COL4A2: variants seen among roughly 807,000 people sequenced by gnomAD.
COL4A2 encodes the protein collagen type IV alpha 2 chain.
In COL4A2, 99 loss-of-function variants were observed where a neutral mutation model predicts 200.2. The observed-to-expected ratio is 0.49, with a 90% CI of 0.42 to 0.58. COL4A2 has a LOEUF of 0.58. Ranked by LOEUF, COL4A2 falls within the 20% of genes least tolerant of loss-of-function variation. The pLI is 0.00. For missense variants in COL4A2, 1,950 were observed against 2,314.1 expected, an observed-to-expected ratio of 0.84 and a Z score of 3.23; for synonymous variants, 897 against 900.6, an observed-to-expected ratio of 1.00 and a Z score of 0.07.
intron 27 of COL4A2, chr13:110,468,251 A>T (rs1016378638): frequency 1.9e-5 from 9 of 471,514 alleles, no homozygotes; most frequent in Non-Finnish European, 4.0e-5. Context: ...GAGCAGAGGT[A>T]AAGGCTCCTT....
chr13:110,393,913 T>C (rs1159153124), intron 4 of COL4A2, among the ~76,000 whole-genome samples: 1 of 152,080 alleles, frequency 6.6e-6, no homozygotes, highest in East Asian at 1.9e-4. Flanking sequence ...TCAGATACAA[T>C]GAGGGTCAAA....
chr13:110,406,938 T>A lies in COL4A2; in HGVS notation c.181-17796T>A, dbSNP rs79551215. 9.6e-3 allele frequency among the ~76,000 whole-genome samples: 1,464 copies of A among 152,302 alleles called. 26 individuals are homozygous for A. Among genetic ancestry groups the A allele is most frequent in the Non-Finnish European group, 0.011 (750 of 68,028 alleles). On this transcript the variant is annotated intron_variant, in intron 4 of 47. Transcript: ENST00000360467. The stretch of plus-strand genomic sequence containing the variant: ...ACCAGAGTCTGCCTTGTTCCCCTTA[T>A]GCCTTCAGGGGCCCGGCAGGGTCTC...
chr13:110,357,387 G>A (rs1279842151), intron 3 of COL4A2, 85 bp from the exon 4 acceptor site: 24 of 1,511,096 alleles, frequency 1.6e-5, no homozygotes, highest in Non-Finnish European at 2.1e-5. Context: ...GAGTTGGAAG[G>A]ATTCTCAACA....
intron 3 of COL4A2, among the ~76,000 whole-genome samples, chr13:110,353,135 AAG>A (rs1319267674): frequency 1.3e-5 from 2 of 152,188 alleles, no homozygotes; most frequent in African/African-American, 4.8e-5. Flanking sequence ...TTGTTGTAAA[AAG>A]AGGTGTGTCA....
At chr13:110,464,041 G>A (rs929716463) in intron 24 of COL4A2, among the ~76,000 whole-genome samples, 1 of 152,126 alleles carries the variant, frequency 6.6e-6, no homozygotes, top group Non-Finnish European at 1.5e-5. Context: ...ATGTGGGGTG[G>A]GGGTGGTGAG....
intron 34 of COL4A2, 121 bp downstream of exon 34, chr13:110,485,957 C>T: frequency 6.8e-7 from 1 of 1,470,622 alleles, no homozygotes; most frequent in South Asian, 1.3e-5. Context: ...TCAGGGCAGC[C>T]TCAGGCTTGG....
chr13:110,322,560 G>T (rs774750523), intron 3 of COL4A2, among the ~76,000 whole-genome samples: 2 of 152,228 alleles, frequency 1.3e-5, no homozygotes, highest in Admixed American at 6.5e-5. Flanking sequence ...GGGGAACCCC[G>T]GGAGGGGCTG....
Position 110,465,573 on chromosome 13 carries a change from C to T in COL4A2, c.1945C>T (p.Pro649Ser), listed in dbSNP as rs370641410. The change falls in exon 25 of 48, where the codon CCT becomes TCT. Residue 649 changes from proline to serine, a missense_variant. Coordinates refer to ENST00000360467, the MANE Select transcript of COL4A2 (RefSeq NM_001846.4). ...ACCTGGACCACCAGGCTTCCTGGGC[C>T]CTCCTGGCCCCGCAGGGACCCCAGG... is the stretch of plus-strand genomic sequence containing the variant. ...GLPGPPGFLG[P>S]PGPAGTPGQI... The T allele has an allele frequency of 6.0e-5, 97 of 1,613,720 alleles. No homozygotes were observed. In the East Asian group the frequency reaches 1.2e-3, roughly 21 times the overall value.
chr13:110,455,613 C>T lies in COL4A2; in HGVS notation c.1340-1730C>T, dbSNP rs370748519. Among the ~76,000 whole-genome samples, 4 of 152,318 alleles carry T rather than the reference C, an allele frequency of 2.6e-5. No individual in the cohort carries two copies. The East Asian group carries it at 5.8e-4, about 22-fold the overall frequency. The stretch of plus-strand genomic sequence containing the variant: ...TCGGTTTCATTTCCAGTTGTATACA[C>T]ACAGCACCTCGCACACAGCCTGGCA... On this transcript the variant is annotated intron_variant, in intron 20 of 47. Coordinates refer to ENST00000360467, the MANE Select transcript of COL4A2 (RefSeq NM_001846.4).
intron 4 of COL4A2, among the ~76,000 whole-genome samples, chr13:110,384,441 A>G (rs929334435): frequency 4.7e-4 from 72 of 152,310 alleles, no homozygotes; most frequent in Admixed American, 2.3e-3. Flanking sequence ...AGTAATTTCA[A>G]CGCTTCAGTG....
chr13:110,321,801 G>A (rs1195616975), intron 3 of COL4A2, among the ~76,000 whole-genome samples: 1 of 152,218 alleles, frequency 6.6e-6, no homozygotes, highest in Non-Finnish European at 1.5e-5. Flanking sequence ...AAGAGAGAAT[G>A]TACCAGCAGG....
chr13:110,493,416 G>T (rs369127455), intron 39 of COL4A2, 134 bp downstream of exon 39: 2 of 871,502 alleles, frequency 2.3e-6, no homozygotes, highest in South Asian at 1.6e-5. Flanking sequence ...AGTGCTATGC[G>T]ATCGGCCGTG....
chr13:110,450,908 C>G (rs935947279), intron 20 of COL4A2, among the ~76,000 whole-genome samples: 2 of 152,190 alleles, frequency 1.3e-5, no homozygotes, highest in Non-Finnish European at 2.9e-5. Context: ...CCTTGATAAT[C>G]TGCCTTCTCA....
chr13:110,506,712 T>A, intron 46 of COL4A2, 106 bp downstream of exon 46: 1 of 1,182,642 alleles, frequency 8.5e-7, no homozygotes, highest in Non-Finnish European at 1.2e-6. Context: ...GGCTGGTAAG[T>A]TCCCCTGACG....
chr13:110,452,113 G>T (rs1384172438), intron 20 of COL4A2, among the ~76,000 whole-genome samples: 1 of 127,612 alleles, frequency 7.8e-6, no homozygotes, highest in Non-Finnish European at 1.7e-5. Flanking sequence ...ACAGGTCAAA[G>T]TCTCTGTTTT....
intron 4 of COL4A2, among the ~76,000 whole-genome samples, chr13:110,416,811 C>T (rs918341225): frequency 1.3e-5 from 2 of 152,198 alleles, no homozygotes; most frequent in African/African-American, 4.8e-5. Context: ...TCCCAGACTT[C>T]GCCTTCACTC....
intron 47 of COL4A2, among the ~76,000 whole-genome samples, chr13:110,510,498 C>T (rs575631656): frequency 4.8e-3 from 96 of 19,856 alleles, no homozygotes; most frequent in Non-Finnish European, 9.5e-3. Context: ...ACATGAGCTG[C>T]TATGAGTACC....
intron 3 of COL4A2, among the ~76,000 whole-genome samples, chr13:110,319,652 G>A (rs1885229594): frequency 1.3e-5 from 2 of 152,288 alleles, no homozygotes; most frequent in South Asian, 4.1e-4. Context: ...GGAAATTTCA[G>A]GGAAGAACCT....
At chr13:110,471,907 G>A (rs548878157) in intron 28 of COL4A2, among the ~76,000 whole-genome samples, 72 of 152,136 alleles carry the variant, frequency 4.7e-4, no homozygotes, top group South Asian at 2.3e-3. Flanking sequence ...CATGCACAGC[G>A]GGGGTGGTGG....
Sources: allele counts gnomAD v4.1 joint callset (sites outside exome capture counted in the v4.1 genomes callset), GRCh38; gene constraint gnomAD v4.1.1; transcripts MANE v1.5; gene names NCBI Gene and HGNC (gene_info 2026-07-23, HGNC 2026-07-21).